The following APAF1 variants were observed in gnomAD, a reference collection of about 807,000 sequenced individuals.
APAF1 encodes the protein apoptotic peptidase activating factor 1.
A neutral mutation model predicts 152.4 loss-of-function variants in APAF1; 91 were observed. That is an observed-to-expected ratio of 0.60 (90% confidence interval 0.50 to 0.71). The LOEUF (loss-of-function observed/expected upper bound fraction) is 0.71. APAF1 is among the 30% of genes least tolerant of loss of function. APAF1 has a pLI of 0.00. For missense variants in APAF1, 1,283 were observed against 1,472.0 expected (o/e 0.87, Z 2.10); for synonymous variants, 484 against 494.1 (o/e 0.98, Z 0.27).
chr12:98,713,037 T>G (rs578020483), intron 21 of APAF1, among the ~76,000 whole-genome samples: 2 of 152,312 alleles, frequency 1.3e-5, no homozygotes, highest in Admixed American at 1.3e-4. Context: ...CAGGCTGGCC[T>G]TAAACTCTTG....
At position 98,665,663 on chromosome 12, in the gene APAF1, T is replaced by C; in HGVS notation, c.1066T>C (p.Ser356Pro). The change falls in exon 8 of 27, where the codon TCT becomes CCT. Residue 356 changes from serine (S) to proline (P), a missense_variant. Coordinates refer to ENST00000551964, the MANE Select transcript of APAF1 (RefSeq NM_181861.2). ...QNKQFKRIRK[S>P]SSYDYEALDE... ...TAAGCAGTTTAAGAGAATAAGGAAATCTTCGTCTTATGATTATGAGGCTCT... is the reference window on the plus strand; with the variant it reads ...TAAGCAGTTTAAGAGAATAAGGAAACCTTCGTCTTATGATTATGAGGCTCT... The C allele has an allele frequency of 3.7e-6, 6 of 1,613,968 alleles. No homozygotes were observed. Among genetic ancestry groups the C allele is most frequent in the Non-Finnish European group, 5.1e-6 (6 of 1,179,932 alleles).
chr12:98,714,843 CTT>C (rs775325950), intron 21 of APAF1, among the ~76,000 whole-genome samples: 5 of 129,450 alleles, frequency 3.9e-5, no homozygotes, highest in East Asian at 2.2e-4. Flanking sequence ...CTTTTTTTTT[CTT>C]TTTTTTTTTT....
intron 12 of APAF1, among the ~76,000 whole-genome samples, chr12:98,675,645 A>G (rs2097685690): frequency 6.6e-6 from 1 of 152,192 alleles, no homozygotes; most frequent in Non-Finnish European, 1.5e-5. Context: ...TAATCTATAG[A>G]TGATTTAGGG....
chr12:98,662,462 C>T lies in APAF1; in HGVS notation c.717C>T (p.Leu239=). 6.2e-7 allele frequency: 1 copy of T among 1,611,008 alleles called. No homozygotes were observed. The highest frequency in any genetic ancestry group is 8.5e-7 in the Non-Finnish European group (1 of 1,177,550). The change falls in exon 6 of 27, where the codon CTC becomes CTT. Residue 239 remains leucine, a synonymous_variant. Transcript: ENST00000551964. ...TATTTTTTTTTTAAATTAGGTCTCT[C>T]TTGATCTTGGATGATGTTTGGGACT... ...ILMLRKHPRS[L]LILDDVWDSW...
At chr12:98,678,566 G>A (rs935688189) in intron 13 of APAF1, among the ~76,000 whole-genome samples, 2 of 152,200 alleles carry the variant, frequency 1.3e-5, no homozygotes, top group African/African-American at 2.4e-5. Context: ...TCGGGCCTCC[G>A]GCTCCACAGA....
At chr12:98,667,345 GCCTCAAGTGATCCTCCTA>G (rs2153318026) in intron 9 of APAF1, among the ~76,000 whole-genome samples, 150 bp from the exon 10 acceptor site, 2 of 151,966 alleles carry the variant, frequency 1.3e-5, no homozygotes, top group Admixed American at 1.3e-4. Flanking sequence ...CGAAGTCCTG[GCCTCAAGTGATCCTCCTA>G]CCTTGGCCTC....
intron 26 of APAF1, 47 bp from the exon 27 acceptor site, chr12:98,732,373 A>G: frequency 3.2e-6 from 5 of 1,558,504 alleles, no homozygotes; most frequent in Non-Finnish European, 4.4e-6. Context: ...AAATTGTCAC[A>G]CAGTGTAATT....
At chr12:98,700,333 T>C (rs1435070212) in intron 17 of APAF1, among the ~76,000 whole-genome samples, 1 of 152,212 alleles carries the variant, frequency 6.6e-6, no homozygotes, top group Non-Finnish European at 1.5e-5. Context: ...TCTCATCTAA[T>C]AGTGATTTCA....
At chr12:98,709,283 G>C (rs1235311464) in intron 20 of APAF1, among the ~76,000 whole-genome samples, 1 of 152,162 alleles carries the variant, frequency 6.6e-6, no homozygotes, top group Non-Finnish European at 1.5e-5. Context: ...ATTGCTTAGG[G>C]ATCCAAACAG....
At chr12:98,698,237 C>T (rs1010470967) in intron 16 of APAF1, among the ~76,000 whole-genome samples, 10 of 152,108 alleles carry the variant, frequency 6.6e-5, no homozygotes, top group African/African-American at 2.4e-4. Context: ...CAAAACAAAA[C>T]AGATGAGGTC....
intron 21 of APAF1, 70 bp downstream of exon 21, chr12:98,712,505 T>G: frequency 1.1e-6 from 1 of 914,408 alleles, no homozygotes; most frequent in Middle Eastern, 2.4e-4. Context: ...TCTGGCATTG[T>G]GCACTTCTAT....
intron 22 of APAF1, among the ~76,000 whole-genome samples, chr12:98,718,074 G>C (rs1434395447): frequency 6.6e-6 from 1 of 152,078 alleles, no homozygotes; most frequent in Non-Finnish European, 1.5e-5. Context: ...ACCTTCCCTT[G>C]ATCCCTCATT....
intron 4 of APAF1, among the ~76,000 whole-genome samples, chr12:98,657,200 A>G (rs1781176726): frequency 2.0e-5 from 3 of 152,216 alleles, no homozygotes; most frequent in African/African-American, 7.2e-5. Flanking sequence ...ATTCAAGTTT[A>G]ATGCTATAGA....
intron 16 of APAF1, among the ~76,000 whole-genome samples, chr12:98,691,022 C>A (rs1015944963): frequency 6.6e-6 from 1 of 152,074 alleles, no homozygotes; most frequent in Non-Finnish European, 1.5e-5. Context: ...GCCTGGCCAA[C>A]ATGGTGAAAC....
intron 21 of APAF1, among the ~76,000 whole-genome samples, chr12:98,713,537 G>C (rs1384478984): frequency 6.6e-6 from 1 of 152,152 alleles, no homozygotes; most frequent in African/African-American, 2.4e-5. Context: ...TATCTAACAA[G>C]ACCAAATAGG....
intron 7 of APAF1, among the ~76,000 whole-genome samples, chr12:98,665,340 A>G (rs1035488525): frequency 6.9e-6 from 1 of 145,146 alleles, no homozygotes; most frequent in Non-Finnish European, 1.5e-5. Flanking sequence ...TTGACTTAAT[A>G]AAGATAATCA....
intron 22 of APAF1, among the ~76,000 whole-genome samples, chr12:98,718,911 G>A (rs1373697691): frequency 6.6e-6 from 1 of 152,138 alleles, no homozygotes; most frequent in Non-Finnish European, 1.5e-5. Flanking sequence ...TCCAGCCTGG[G>A]CAACAGAGCA....
chr12:98,660,115 G>A (rs1266480293), intron 5 of APAF1, among the ~76,000 whole-genome samples: 2 of 152,220 alleles, frequency 1.3e-5, no homozygotes, highest in Non-Finnish European at 2.9e-5. Flanking sequence ...GGAGGCCATG[G>A]TGGATAGTTT....
At chr12:98,670,471 A>G (rs529554598) in intron 10 of APAF1, among the ~76,000 whole-genome samples, 3 of 152,006 alleles carry the variant, frequency 2.0e-5, no homozygotes, top group Non-Finnish European at 4.4e-5. Flanking sequence ...TATAAAAAAT[A>G]ATTTTCTATA....
Sources: allele counts gnomAD v4.1 joint callset (sites outside exome capture counted in the v4.1 genomes callset), GRCh38; gene constraint gnomAD v4.1.1; transcripts MANE v1.5; gene names NCBI Gene and HGNC (gene_info 2026-07-23, HGNC 2026-07-21).